The following VPS50 variants were observed in gnomAD, a reference collection of about 807,000 sequenced individuals.
The protein encoded by VPS50 is VPS50 subunit of EARP/GARPII complex.
Under a neutral mutation model 139.7 loss-of-function variants are expected in VPS50, and 70 were observed. The ratio of observed to expected loss-of-function variants is 0.50; its 90% CI spans 0.41 to 0.61. The LOEUF (loss-of-function observed/expected upper bound fraction) is 0.61, where lower values mean the gene tolerates loss of function less well. VPS50 is among the 20% of genes least tolerant of loss of function. The probability of loss-of-function intolerance (pLI) is 0.00; values close to 1 mark genes in which losing one functional copy is unlikely to be tolerated. For missense variants in VPS50, 921 were observed against 1,133.7 expected, an observed-to-expected ratio of 0.81 and a Z score of 2.69; for synonymous variants, 365 against 376.7, an observed-to-expected ratio of 0.97 and a Z score of 0.36.
intron 20 of VPS50, among the ~76,000 whole-genome samples, chr7:93,319,497 A>T (rs2117010705): frequency 6.6e-6 from 1 of 152,266 alleles, no homozygotes; most frequent in East Asian, 1.9e-4. Context: ...CTTGAATGAC[A>T]ATTTAGCTAT....
intron 12 of VPS50, among the ~76,000 whole-genome samples, chr7:93,281,167 A>G (rs1796315929): frequency 6.6e-6 from 1 of 152,194 alleles, no homozygotes; most frequent in Non-Finnish European, 1.5e-5. Flanking sequence ...CAGGTGCTTT[A>G]TATTAGTACA....
chr7:93,296,545 G>A (rs1002625151), intron 14 of VPS50, among the ~76,000 whole-genome samples, 197 bp from the exon 15 acceptor site: 1 of 152,150 alleles, frequency 6.6e-6, no homozygotes, highest in African/African-American at 2.4e-5. Flanking sequence ...CAACCTGATG[G>A]CATTCCTGGT....
chr7:93,326,532 TTAAAA>T (rs1353024502), intron 21 of VPS50, among the ~76,000 whole-genome samples: 3 of 151,554 alleles, frequency 2.0e-5, no homozygotes, highest in African/African-American at 7.2e-5. Context: ...AAAATATTTA[TTAAAA>T]TAATTGAAAA....
chr7:93,295,237 C>A (rs1033358658), intron 14 of VPS50, among the ~76,000 whole-genome samples: 35 of 151,980 alleles, frequency 2.3e-4, no homozygotes, highest in African/African-American at 8.5e-4. Flanking sequence ...GATCAGGGTG[C>A]CAGCATTGTT....
intron 2 of VPS50, among the ~76,000 whole-genome samples, chr7:93,248,394 G>T (rs2116807020): frequency 6.6e-6 from 1 of 151,960 alleles, no homozygotes; most frequent in East Asian, 1.9e-4. Flanking sequence ...CCCACCCTAG[G>T]GAATCAGTTT....
At chr7:93,325,093 CAG>C in intron 21 of VPS50, among the ~76,000 whole-genome samples, 1 of 152,200 alleles carries the variant, frequency 6.6e-6, no homozygotes, top group African/African-American at 2.4e-5. Flanking sequence ...GGTACCAAAA[CAG>C]AGATATAGAT....
At chr7:93,264,608 T>C (rs1584403790) in intron 9 of VPS50, among the ~76,000 whole-genome samples, 1 of 152,218 alleles carries the variant, frequency 6.6e-6, no homozygotes, top group Non-Finnish European at 1.5e-5. Flanking sequence ...CTTTCAAGAA[T>C]TCCTTCATTT....
At chr7:93,258,628 T>G (rs1041810858) in intron 8 of VPS50, among the ~76,000 whole-genome samples, 1 of 152,082 alleles carries the variant, frequency 6.6e-6, no homozygotes, top group East Asian at 1.9e-4. Context: ...CTGATAACAT[T>G]GGAATGTTAA....
At position 93,359,755 on chromosome 7, in the gene VPS50, A is replaced by G. The variant is rs1331669330; in HGVS notation, c.*1319A>G. The G allele has an allele frequency of 6.6e-6, 1 of 152,180 alleles. No homozygotes were observed. The highest frequency in any genetic ancestry group is 6.6e-5 in the Admixed American group (1 of 15,258). The allele number at this position is 152,180 out of a possible 1,614,324, so 9.4% of individuals were successfully genotyped here. A position where few individuals can be genotyped will look rare whatever the true frequency, so the allele number is the denominator to read the frequency against. On this transcript the variant is annotated 3_prime_UTR_variant, in exon 28 of 28. Transcript: ENST00000305866. Reference sequence around the variant, plus strand: ...GGATGGCACAGAATGGCATGTGATCAAGCATGGAGGTGATAAGGAAACAAT... The same window carrying G: ...GGATGGCACAGAATGGCATGTGATCGAGCATGGAGGTGATAAGGAAACAAT...
At chr7:93,342,481 C>T (rs1161961871) in intron 23 of VPS50, among the ~76,000 whole-genome samples, 1 of 152,136 alleles carries the variant, frequency 6.6e-6, no homozygotes, top group Non-Finnish European at 1.5e-5. Context: ...CCACCACAGC[C>T]CAAGGAGGCC....
At chr7:93,300,190 T>C (rs1043120308) in intron 16 of VPS50, among the ~76,000 whole-genome samples, 9 of 152,268 alleles carry the variant, frequency 5.9e-5, no homozygotes, top group African/African-American at 2.2e-4. Flanking sequence ...GAAATGTCTT[T>C]GAAGAAATTA....
intron 16 of VPS50, among the ~76,000 whole-genome samples, chr7:93,301,117 A>C (rs551726267): frequency 1.3e-5 from 2 of 152,218 alleles, no homozygotes; most frequent in Admixed American, 1.3e-4. Context: ...CAAGATAGTG[A>C]AACTCAGTCT....
chr7:93,348,834 C>T, intron 24 of VPS50, 27 bp downstream of exon 24: 1 of 1,418,246 alleles, frequency 7.1e-7, no homozygotes, highest in African/African-American at 1.4e-5. Flanking sequence ...TATGTCATTT[C>T]AACTGTGAGG....
chr7:93,291,918 G>T (rs1796658966), intron 13 of VPS50, 83 bp downstream of exon 13: 1 of 922,434 alleles, frequency 1.1e-6, no homozygotes, highest in African/African-American at 1.7e-5. Flanking sequence ...GAAAGGGGCA[G>T]GAATGCCTTT....
chr7:93,338,005 G>C (rs192598413), intron 22 of VPS50, among the ~76,000 whole-genome samples: 20 of 152,110 alleles, frequency 1.3e-4, no homozygotes, highest in African/African-American at 4.6e-4. Context: ...CACCCATTTT[G>C]CCCAAGTAAG....
At chr7:93,343,173 C>T (rs1424364329) in intron 23 of VPS50, among the ~76,000 whole-genome samples, 1 of 152,008 alleles carries the variant, frequency 6.6e-6, no homozygotes, top group Admixed American at 6.6e-5. Flanking sequence ...GGCTCGAGAA[C>T]TACGTGAAGA....
At chr7:93,238,860 C>T (rs770082789) in intron 1 of VPS50, among the ~76,000 whole-genome samples, 8 of 151,666 alleles carry the variant, frequency 5.3e-5, no homozygotes, top group South Asian at 2.1e-4. Context: ...GAGAGGGAGA[C>T]GGGGAGAGAA....
At chr7:93,310,539 C>T (rs2116987411) in intron 19 of VPS50, among the ~76,000 whole-genome samples, 1 of 151,960 alleles carries the variant, frequency 6.6e-6, no homozygotes, top group Non-Finnish European at 1.5e-5. Context: ...CCACTGTGTT[C>T]AAGATAAGGT....
intron 8 of VPS50, among the ~76,000 whole-genome samples, chr7:93,259,045 T>A (rs556839061): frequency 6.6e-6 from 1 of 152,184 alleles, no homozygotes; most frequent in Non-Finnish European, 1.5e-5. Context: ...GAAAAATTCA[T>A]TGGGCATTAA....
Sources: allele counts gnomAD v4.1 joint callset (sites outside exome capture counted in the v4.1 genomes callset), GRCh38; gene constraint gnomAD v4.1.1; transcripts MANE v1.5; gene names NCBI Gene and HGNC (gene_info 2026-07-23, HGNC 2026-07-21).